AGO4: variants seen among roughly 807,000 people sequenced by gnomAD.
AGO4 encodes the protein protein argonaute-4.
AGO4 carries 33 observed loss-of-function variants against 104.7 expected under a neutral mutation model. The ratio of observed to expected loss-of-function variants is 0.32; its 90% CI spans 0.24 to 0.42. AGO4 has a LOEUF of 0.42. Among genes scored for constraint, AGO4 ranks in the 10% least tolerant of loss-of-function variants. The pLI is 1.00. For missense variants in AGO4, 711 were observed against 1,083.4 expected (o/e 0.66, Z 4.83); for synonymous variants, 331 against 364.7 (o/e 0.91, Z 1.05).
chr1:35,817,873 T>G (rs537996294), intron 2 of AGO4, among the ~76,000 whole-genome samples: 58 of 152,312 alleles, frequency 3.8e-4, no homozygotes, highest in African/African-American at 1.1e-3. Context: ...GTAGAAGTGG[T>G]GGTAATGGAT....
rs1217622857 is a variant in AGO4, at chr1:35,825,939, T to A, written c.639T>A (p.Ala213=). 1 of 1,614,052 alleles carries A rather than the reference T, an allele frequency of 6.2e-7. No individual in the cohort carries two copies. Among genetic ancestry groups the A allele is most frequent in the Non-Finnish European group, 8.5e-7 (1 of 1,180,050 alleles). Residue 213 remains alanine, a synonymous_variant, in exon 6 of 18, where the codon GCT becomes GCA. Coordinates refer to ENST00000373210, the MANE Select transcript of AGO4 (RefSeq NM_017629.4). ...TCTGTTTGTTAGTATCTGCAACTGC[T>A]TTCTACCGGGCTCAGCCTATCATTG... ...MMLNIDVSAT[A]FYRAQPIIEF...
At chr1:35,821,536 A>G (rs978145720) in intron 2 of AGO4, among the ~76,000 whole-genome samples, 3 of 152,204 alleles carry the variant, frequency 2.0e-5, no homozygotes, top group African/African-American at 4.8e-5. Context: ...TTGCCACTGC[A>G]TTTATTCCAC....
chr1:35,822,463 A>G (rs1217245274), intron 2 of AGO4, among the ~76,000 whole-genome samples: 1 of 151,650 alleles, frequency 6.6e-6, no homozygotes, highest in Non-Finnish European at 1.5e-5. Context: ...TGTGTTGGTC[A>G]GGCTGGTCTC....
chr1:35,843,747 TC>T (rs1644503440), intron 15 of AGO4, among the ~76,000 whole-genome samples: 1 of 152,154 alleles, frequency 6.6e-6, no homozygotes, highest in Admixed American at 6.6e-5. Context: ...CCTGCCACCT[TC>T]TCCTTAACTG....
At chr1:35,835,063 T>G (rs944600895) in intron 12 of AGO4, among the ~76,000 whole-genome samples, 31 of 145,682 alleles carry the variant, frequency 2.1e-4, no homozygotes, top group African/African-American at 7.6e-4. Flanking sequence ...CAGGCTGTAG[T>G]GCAGTGGCGC....
intron 2 of AGO4, among the ~76,000 whole-genome samples, chr1:35,819,834 T>A (rs1643851773): frequency 6.7e-6 from 1 of 148,240 alleles, no homozygotes; most frequent in South Asian, 2.1e-4. Flanking sequence ...AATACAGTAT[T>A]AAGGTTGGAT....
At chr1:35,826,866 T>TA in intron 7 of AGO4, 31 bp downstream of exon 7, 1 of 1,600,802 alleles carries the variant, frequency 6.2e-7, no homozygotes, top group Non-Finnish European at 8.5e-7. Context: ...GTAATACAAT[T>TA]ACATTTTTAG....
intron 15 of AGO4, among the ~76,000 whole-genome samples, chr1:35,849,054 G>T (rs915831693): frequency 1.3e-5 from 2 of 152,182 alleles, no homozygotes; most frequent in Non-Finnish European, 2.9e-5. Flanking sequence ...AAAGAAATGT[G>T]TTCATACTGA....
intron 1 of AGO4, among the ~76,000 whole-genome samples, chr1:35,813,000 C>T (rs181100902): frequency 6.6e-6 from 1 of 152,288 alleles, no homozygotes; most frequent in East Asian, 1.9e-4. Flanking sequence ...TTTATCACCT[C>T]TCACATTATT....
At chr1:35,845,846 T>C (rs562949511) in intron 15 of AGO4, among the ~76,000 whole-genome samples, 1 of 152,314 alleles carries the variant, frequency 6.6e-6, no homozygotes, top group South Asian at 2.1e-4. Context: ...TACACATTCA[T>C]TGTGGCTCTG....
At chr1:35,821,972 C>T (rs1025459121) in intron 2 of AGO4, among the ~76,000 whole-genome samples, 5 of 151,974 alleles carry the variant, frequency 3.3e-5, no homozygotes, top group African/African-American at 1.2e-4. Flanking sequence ...ACTGCAACCC[C>T]TGCCTCCTGG....
At chr1:35,823,755 T>A (rs10796923) in intron 3 of AGO4, among the ~76,000 whole-genome samples, 107,504 of 150,548 alleles carry the variant, frequency 0.71, 40,744 homozygotes, top group South Asian at 0.86. Context: ...TATTATTATT[T>A]TTTTTTTTAG....
Position 35,834,097 on chromosome 1 carries a change from T to C in AGO4, c.1487T>C (p.Met496Thr). ...CAAGGTGCAGACAGTGTGGAGCCTATGTTTAAACATCTGAAAATGACTTAT... is the reference window on the plus strand; with the variant it reads ...CAAGGTGCAGACAGTGTGGAGCCTACGTTTAAACATCTGAAAATGACTTAT... ...YAQGADSVEP[M>T]FKHLKMTYVG... The change falls in exon 12 of 18, where the codon ATG becomes ACG. Residue 496 changes from methionine to threonine, a missense_variant. By Grantham distance (81) the Met-to-Thr change is moderately conservative (BLOSUM62 -1). Transcript: ENST00000373210. 6.2e-7 allele frequency: 1 copy of C among 1,611,836 alleles called. No homozygotes were observed. The highest frequency in any genetic ancestry group is 2.2e-5 in the East Asian group (1 of 44,710).
chr1:35,827,134 G>A (rs1401262315), intron 7 of AGO4, among the ~76,000 whole-genome samples: 1 of 152,074 alleles, frequency 6.6e-6, no homozygotes, highest in Admixed American at 6.6e-5. Context: ...CTGGGAGGTG[G>A]AGGTTACAGT....
chr1:35,832,846 C>A (rs1644217958), intron 11 of AGO4, among the ~76,000 whole-genome samples: 1 of 152,102 alleles, frequency 6.6e-6, no homozygotes, highest in Non-Finnish European at 1.5e-5. Flanking sequence ...TTGAAGCTTC[C>A]TTTGGTATTA....
intron 2 of AGO4, among the ~76,000 whole-genome samples, chr1:35,818,729 G>T (rs956588854): frequency 2.6e-5 from 4 of 151,044 alleles, no homozygotes; most frequent in African/African-American, 9.9e-5. Context: ...GATAATTCTG[G>T]ATTGCTGGAG....
Position 35,853,726 on chromosome 1 carries a change from A to T in AGO4, c.*121A>T. On this transcript the variant is annotated 3_prime_UTR_variant, in exon 18 of 18. Transcript: ENST00000373210. ...AGGTGGTCTTCTACCAGCAGCTCGG[A>T]ATAGTTGCACTGAATCTATACTTTG... is the stretch of plus-strand genomic sequence containing the variant. 1.3e-6 allele frequency: 1 copy of T among 753,440 alleles called. No homozygotes were observed. The highest frequency in any genetic ancestry group is 1.8e-5 in the South Asian group (1 of 56,950). 46.7% of individuals were successfully genotyped at this position (753,440 alleles called of 1,614,324 possible).
At chr1:35,819,393 T>G (rs1643833659) in intron 2 of AGO4, among the ~76,000 whole-genome samples, 1 of 151,548 alleles carries the variant, frequency 6.6e-6, no homozygotes, top group Non-Finnish European at 1.5e-5. Flanking sequence ...GCCAGGAGTT[T>G]GCAGCAAGCT....
At chr1:35,814,184 A>C (rs1296627690) in intron 1 of AGO4, among the ~76,000 whole-genome samples, 1 of 152,052 alleles carries the variant, frequency 6.6e-6, no homozygotes, top group Non-Finnish European at 1.5e-5. Flanking sequence ...AAAGATAATT[A>C]TGATTTTTGT....
Sources: allele counts gnomAD v4.1 joint callset (sites outside exome capture counted in the v4.1 genomes callset), GRCh38; gene constraint gnomAD v4.1.1; transcripts MANE v1.5; gene names NCBI Gene and HGNC (gene_info 2026-07-23, HGNC 2026-07-21).